The following TENM3 variants were observed in gnomAD, a reference collection of about 807,000 sequenced individuals.
The protein encoded by TENM3 is teneurin-3.
Under a neutral mutation model 255.1 loss-of-function variants are expected in TENM3, and 63 were observed. The ratio of observed to expected loss-of-function variants is 0.25; its 90% CI spans 0.20 to 0.30. TENM3 has a LOEUF of 0.30. TENM3 is among the 10% of genes least tolerant of loss of function. TENM3 has a pLI of 1.00. For missense variants in TENM3, 2,929 were observed against 3,461.1 expected, an observed-to-expected ratio of 0.85 and a Z score of 3.86; for synonymous variants, 1,306 against 1,322.3, an observed-to-expected ratio of 0.99 and a Z score of 0.27.
At chr4:181,868,053 A>G in the TENM3 span, among the ~76,000 whole-genome samples, 2 of 152,188 alleles carry the variant, frequency 1.3e-5, no homozygotes, top group Non-Finnish European at 2.9e-5. Context: ...AATTCCCTAT[A>G]TTTCTGGAAA....
At chr4:182,711,630 A>G (rs1374318985) in intron 12 of TENM3, 2 of 894,298 alleles carry the variant, frequency 2.2e-6, no homozygotes, top group Admixed American at 6.2e-5. Context: ...TTGTTGACAT[A>G]TCTACATATA....
At chr4:181,637,603 C>T in the TENM3 span, among the ~76,000 whole-genome samples, 16 of 152,168 alleles carry the variant, frequency 1.1e-4, no homozygotes, top group African/African-American at 1.7e-4. Context: ...GGAACACTGA[C>T]AAGGCTCCAC....
At chr4:181,600,070 T>C in the TENM3 span, among the ~76,000 whole-genome samples, 7 of 152,260 alleles carry the variant, frequency 4.6e-5, no homozygotes, top group East Asian at 1.3e-3. Flanking sequence ...TTCAGACTTA[T>C]ACAGCTAATG....
chr4:181,848,583 A>G, the TENM3 span, among the ~76,000 whole-genome samples: 1 of 152,294 alleles, frequency 6.6e-6, no homozygotes, highest in South Asian at 2.1e-4. Flanking sequence ...TTTTACCGTG[A>G]CAGATGTCAA....
At chr4:181,781,169 G>A in the TENM3 span, among the ~76,000 whole-genome samples, 1 of 152,186 alleles carries the variant, frequency 6.6e-6, no homozygotes, top group Admixed American at 6.5e-5. Context: ...AAAGTCATTG[G>A]TAGCTTAATG....
the TENM3 span, among the ~76,000 whole-genome samples, chr4:181,450,960 A>G: frequency 2.6e-5 from 4 of 152,188 alleles, no homozygotes; most frequent in Non-Finnish European, 4.4e-5. Flanking sequence ...ACACATATTT[A>G]TATGCCAGGG....
chr4:182,794,401 C>T (rs558920249), intron 26 of TENM3, among the ~76,000 whole-genome samples: 2 of 152,154 alleles, frequency 1.3e-5, no homozygotes, highest in Non-Finnish European at 2.9e-5. Context: ...GTGTGAAGTT[C>T]TCATGGAGAT....
chr4:182,617,526 A>G (rs1018022462), intron 4 of TENM3, among the ~76,000 whole-genome samples: 1 of 152,200 alleles, frequency 6.6e-6, no homozygotes, highest in Non-Finnish European at 1.5e-5. Context: ...GAGACCTTTA[A>G]TAAGCCTCTT....
the TENM3 span, among the ~76,000 whole-genome samples, chr4:181,533,591 T>C: frequency 2.0e-5 from 3 of 152,154 alleles, no homozygotes; most frequent in East Asian, 5.8e-4. Context: ...TGGGGTCTCC[T>C]TCCCTCTCCA....
the TENM3 span, among the ~76,000 whole-genome samples, chr4:181,471,286 G>C: frequency 6.6e-6 from 1 of 152,198 alleles, no homozygotes; most frequent in African/African-American, 2.4e-5. Flanking sequence ...AACATGGATA[G>C]ACAGAAGGAT....
rs760547299 is a variant in TENM3 at position 182,730,949 on chromosome 4, A to G, written c.2777A>G (p.Tyr926Cys). The change falls in exon 16 of 28, where the codon TAT becomes TGT. Residue 926 changes from tyrosine to cysteine, a missense_variant. Around this residue, in one of 6 missense-constraint regions of TENM3, gnomAD observed 1,608 missense variants for 1,884.4 expected, o/e 0.85. Coordinates refer to ENST00000511685, the MANE Select transcript of TENM3 (RefSeq NM_001080477.4). ...VFERSPFLTQ[Y>C]HTVWIPWNVF... Reference sequence around the variant, plus strand: ...GAACGATCCCCATTCCTCACTCAGTATCATACTGTGTGGATTCCATGGAAT... The same window carrying G: ...GAACGATCCCCATTCCTCACTCAGTGTCATACTGTGTGGATTCCATGGAAT... 1.5e-5 allele frequency: 25 copies of G among 1,613,852 alleles called. No individual in the cohort carries two copies. The highest frequency in any genetic ancestry group is 8.9e-5 in the East Asian group (4 of 44,880).
chr4:182,249,601 C>T (rs1053016544), intron 1 of TENM3, among the ~76,000 whole-genome samples: 9 of 152,050 alleles, frequency 5.9e-5, no homozygotes, highest in East Asian at 1.9e-4. Flanking sequence ...AATCATACAA[C>T]GAATGGGGTG....
the TENM3 span, among the ~76,000 whole-genome samples, chr4:181,558,044 G>T: frequency 6.6e-6 from 1 of 152,136 alleles, no homozygotes; most frequent in East Asian, 1.9e-4. Flanking sequence ...TCTGTTTAAT[G>T]GTTTCCAAAG....
chr4:181,891,651 A>G, the TENM3 span, among the ~76,000 whole-genome samples: 2 of 152,056 alleles, frequency 1.3e-5, no homozygotes, highest in African/African-American at 2.4e-5. Context: ...ACTATCACCT[A>G]TATGCTCATT....
At chr4:181,803,869 G>A in the TENM3 span, among the ~76,000 whole-genome samples, 2 of 149,886 alleles carry the variant, frequency 1.3e-5, no homozygotes, top group African/African-American at 4.9e-5. Context: ...CAGGAGGTCA[G>A]CGCTGCAGTG....
chr4:182,213,945 GCGCC>G (rs1464831155), intron 1 of TENM3, among the ~76,000 whole-genome samples: 5 of 152,134 alleles, frequency 3.3e-5, no homozygotes, highest in South Asian at 2.1e-4. Flanking sequence ...GGGACTACAG[GCGCC>G]CGCCACCACG....
At chr4:181,755,315 A>G in the TENM3 span, among the ~76,000 whole-genome samples, 13 of 152,014 alleles carry the variant, frequency 8.6e-5, no homozygotes, top group East Asian at 1.9e-3. Context: ...AAACTTTCCA[A>G]TGTACTAGTT....
chr4:182,573,886 C>T (rs1237130430), intron 3 of TENM3, among the ~76,000 whole-genome samples: 1 of 151,980 alleles, frequency 6.6e-6, no homozygotes, highest in Non-Finnish European at 1.5e-5. Context: ...ATTTTTTTCA[C>T]ACTTGTCATT....
the TENM3 span, among the ~76,000 whole-genome samples, chr4:181,540,352 C>A: frequency 2.6e-5 from 4 of 152,110 alleles, no homozygotes; most frequent in Non-Finnish European, 4.4e-5. Context: ...AAACGACAAA[C>A]CCCTGGTGGT....
Sources: allele counts gnomAD v4.1 joint callset (sites outside exome capture counted in the v4.1 genomes callset), GRCh38; gene constraint gnomAD v4.1.1; regional missense constraint gnomAD v4.1.1; transcripts MANE v1.5; gene names NCBI Gene and HGNC (gene_info 2026-07-23, HGNC 2026-07-21).